RASAL2: variants seen among roughly 807,000 people sequenced by gnomAD.
RASAL2 encodes RAS protein activator like 2.
In RASAL2, 58 loss-of-function variants were observed where a neutral mutation model predicts 128.9. The observed-to-expected ratio is 0.45, with a 90% CI of 0.36 to 0.56. The LOEUF (loss-of-function observed/expected upper bound fraction) is 0.56. Among genes scored for constraint, RASAL2 ranks in the 20% least tolerant of loss-of-function variants. RASAL2 has a pLI of 0.00. For missense variants in RASAL2, 1,360 were observed against 1,601.6 expected (o/e 0.85, Z 2.57); for synonymous variants, 561 against 580.8 (o/e 0.97, Z 0.49).
chr1:178,357,036 A>G (rs552342459), intron 3 of RASAL2, among the ~76,000 whole-genome samples: 79 of 152,208 alleles, frequency 5.2e-4, no homozygotes, highest in African/African-American at 1.8e-3. Context: ...CTTTGTACAT[A>G]TATCTGTGTT....
At chr1:178,227,128 A>G (rs1306683359) in intron 1 of RASAL2, among the ~76,000 whole-genome samples, 1 of 151,808 alleles carries the variant, frequency 6.6e-6, no homozygotes, top group Non-Finnish European at 1.5e-5. Context: ...CCCTCCTTCT[A>G]CCACCTCAGA....
intron 1 of RASAL2, among the ~76,000 whole-genome samples, chr1:178,113,674 C>T (rs1350200433): frequency 6.6e-6 from 1 of 152,014 alleles, no homozygotes; most frequent in African/African-American, 2.4e-5. Context: ...TGAGCCACCA[C>T]ACCTGGGCGG....
At chr1:178,424,463 T>A (rs143770407) in intron 5 of RASAL2, among the ~76,000 whole-genome samples, 219 of 152,046 alleles carry the variant, frequency 1.4e-3, no homozygotes, top group African/African-American at 5.0e-3. Context: ...CTCATTACAC[T>A]TTTATTTTTA....
intron 1 of RASAL2, among the ~76,000 whole-genome samples, chr1:178,151,620 A>G (rs1361132630): frequency 6.6e-6 from 1 of 152,164 alleles, no homozygotes; most frequent in Non-Finnish European, 1.5e-5. Flanking sequence ...TTGATTGTAT[A>G]TTGTGGTAGC....
intron 3 of RASAL2, among the ~76,000 whole-genome samples, chr1:178,345,070 T>G (rs1366080056): frequency 6.6e-6 from 1 of 152,174 alleles, no homozygotes; most frequent in East Asian, 1.9e-4. Flanking sequence ...TCCTCTCTGG[T>G]ACCCTCCTTG....
chr1:178,347,105 A>G (rs1670192266), intron 3 of RASAL2, among the ~76,000 whole-genome samples: 1 of 152,162 alleles, frequency 6.6e-6, no homozygotes, highest in Admixed American at 6.5e-5. Flanking sequence ...TGTTTTTCTC[A>G]GAAGCTATCT....
chr1:178,226,817 G>A (rs6695254), intron 1 of RASAL2, among the ~76,000 whole-genome samples: 39,788 of 152,020 alleles, frequency 0.26, 5,907 homozygotes, highest in African/African-American at 0.41. Flanking sequence ...GCATGTGCCT[G>A]TAATCCCAGC....
At chr1:178,188,289 A>G (rs530472861) in intron 1 of RASAL2, among the ~76,000 whole-genome samples, 3 of 152,144 alleles carry the variant, frequency 2.0e-5, no homozygotes, top group East Asian at 3.9e-4. Context: ...TGTTTCCTCA[A>G]ATTCATTGAG....
rs547384518 is a variant in RASAL2 at position 178,476,555 on chromosome 1, T to A, written c.*3316T>A. On this transcript the variant is annotated 3_prime_UTR_variant, in exon 18 of 18. Transcript: ENST00000367649. ...AGGTAATCATGCTGCTATAGCTTTT[T>A]GCTTTTTTTCATATAGTATCAAGTT... 5.1e-4 allele frequency: 78 copies of A among 152,348 alleles called. No individual in the cohort carries two copies. Among genetic ancestry groups the A allele is most frequent in the African/African-American group, 1.7e-3 (71 of 41,580 alleles). 9.4% of individuals were successfully genotyped at this position (152,348 alleles called of 1,614,324 possible).
intron 3 of RASAL2, among the ~76,000 whole-genome samples, chr1:178,388,439 G>A (rs561290968): frequency 4.1e-4 from 63 of 152,152 alleles, no homozygotes; most frequent in Non-Finnish European, 7.1e-4. Flanking sequence ...GCACATTAAG[G>A]CTCATTTGAC....
At chr1:178,244,546 C>T (rs890453608) in intron 1 of RASAL2, among the ~76,000 whole-genome samples, 8 of 152,208 alleles carry the variant, frequency 5.3e-5, no homozygotes, top group Non-Finnish European at 1.2e-4. Context: ...CAGCCTATTT[C>T]TTCTTTAAAA....
intron 1 of RASAL2, among the ~76,000 whole-genome samples, chr1:178,164,186 A>C (rs1421800600): frequency 6.6e-6 from 1 of 152,170 alleles, no homozygotes; most frequent in Non-Finnish European, 1.5e-5. Flanking sequence ...AAGGTAGGGC[A>C]ACTGATAGAC....
chr1:178,228,432 A>T (rs1176561534), intron 1 of RASAL2, among the ~76,000 whole-genome samples: 1 of 151,804 alleles, frequency 6.6e-6, no homozygotes, highest in Non-Finnish European at 1.5e-5. Flanking sequence ...ATACAAAAAA[A>T]ATTAGCCGGG....
intron 3 of RASAL2, among the ~76,000 whole-genome samples, chr1:178,323,451 T>C (rs1159604060): frequency 2.0e-5 from 3 of 152,190 alleles, no homozygotes; most frequent in Non-Finnish European, 4.4e-5. Flanking sequence ...TGAGAGAAAA[T>C]CGTTTAGTAA....
chr1:178,105,859 A>G (rs2102232471), intron 1 of RASAL2, among the ~76,000 whole-genome samples: 1 of 152,154 alleles, frequency 6.6e-6, no homozygotes, highest in South Asian at 2.1e-4. Flanking sequence ...TACTTTTTGT[A>G]GAGACGAGGT....
intron 1 of RASAL2, among the ~76,000 whole-genome samples, chr1:178,165,830 G>A (rs1452640818): frequency 6.6e-6 from 1 of 152,128 alleles, no homozygotes; most frequent in Non-Finnish European, 1.5e-5. Context: ...GAAAGTTAAT[G>A]TCTCTTGTCC....
At chr1:178,348,381 C>G (rs1557919556) in intron 3 of RASAL2, among the ~76,000 whole-genome samples, 1 of 152,098 alleles carries the variant, frequency 6.6e-6, no homozygotes, top group South Asian at 2.1e-4. Flanking sequence ...AACCTCAAAC[C>G]CCTTGGCTCA....
At chr1:178,389,397 T>C in intron 3 of RASAL2, 1 of 481,244 alleles carries the variant, frequency 2.1e-6, no homozygotes, top group Non-Finnish European at 2.7e-6. Flanking sequence ...TGAAAAAATC[T>C]TAAAAATGTA....
intron 3 of RASAL2, among the ~76,000 whole-genome samples, chr1:178,348,049 A>T (rs1222482355): frequency 6.6e-6 from 1 of 152,222 alleles, no homozygotes. Context: ...GTCTCAAAAG[A>T]ATACTCACTG....
Sources: allele counts gnomAD v4.1 joint callset (sites outside exome capture counted in the v4.1 genomes callset), GRCh38; gene constraint gnomAD v4.1.1; transcripts MANE v1.5; gene names NCBI Gene and HGNC (gene_info 2026-07-23, HGNC 2026-07-21).